The following PTPRG variants were observed in gnomAD, a reference collection of about 807,000 sequenced individuals.
PTPRG encodes protein tyrosine phosphatase receptor type G, also known as receptor-type tyrosine-protein phosphatase gamma.
Under a neutral mutation model 165.3 loss-of-function variants are expected in PTPRG, and 102 were observed. That is an observed-to-expected ratio of 0.62 (90% CI 0.53 to 0.73). The LOEUF (loss-of-function observed/expected upper bound fraction) is 0.73, where lower values mean the gene tolerates loss of function less well. Ranked by LOEUF, PTPRG falls within the 30% of genes least tolerant of loss-of-function variation. PTPRG has a pLI of 0.00. For missense variants in PTPRG, 1,866 were observed against 1,861.4 expected (o/e 1.00, Z -0.05); for synonymous variants, 675 against 669.5 (o/e 1.01, Z -0.13).
At chr3:62,287,995 A>C (rs1419098975) in intron 28 of PTPRG, among the ~76,000 whole-genome samples, 1 of 152,216 alleles carries the variant, frequency 6.6e-6, no homozygotes, top group African/African-American at 2.4e-5. Flanking sequence ...AACAACTAGA[A>C]ACTGAAATCC....
Position 62,203,727 on chromosome 3 carries a change from T to A in PTPRG, c.1932T>A (p.His644Gln). Residue 644 changes from histidine (H) to glutamine (Q), a missense_variant, in exon 12 of 30, where the codon CAT (histidine) becomes CAA (glutamine). Physicochemically the swap from His to Gln is conservative, Grantham distance 24. Coordinates refer to ENST00000474889, the MANE Select transcript of PTPRG (RefSeq NM_002841.4). The surrounding 1 kb of genome is among the most constrained non-coding windows in gnomAD (Gnocchi z 6.4). The stretch of plus-strand genomic sequence containing the variant: ...GAGGGCATCAGACTATACCTGGGCA[T>A]GAGCAGGATCACACTGCCGTCCCCA... ...AEGGHQTIPG[H>Q]EQDHTAVPTD... 1 of 1,593,660 alleles carries A rather than the reference T, an allele frequency of 6.3e-7. No homozygotes were observed. Among genetic ancestry groups the A allele is most frequent in the African/African-American group, 1.3e-5 (1 of 74,760 alleles).
intron 2 of PTPRG, among the ~76,000 whole-genome samples, chr3:61,872,758 C>T (rs1363060446): frequency 6.6e-6 from 1 of 152,130 alleles, no homozygotes; most frequent in South Asian, 2.1e-4. Context: ...TGCTAGTGTG[C>T]TCTTTTTGAA....
At chr3:61,572,741 C>T (rs1342210908) in intron 1 of PTPRG, among the ~76,000 whole-genome samples, 1 of 152,116 alleles carries the variant, frequency 6.6e-6, no homozygotes, top group Non-Finnish European at 1.5e-5. Flanking sequence ...AGCCTAGGGC[C>T]TATGTTAGTG....
At chr3:61,651,963 TCA>T (rs1162335003) in intron 1 of PTPRG, among the ~76,000 whole-genome samples, 1 of 151,996 alleles carries the variant, frequency 6.6e-6, no homozygotes, top group African/African-American at 2.4e-5. Context: ...TGAGTAGAGA[TCA>T]CACCACTGCA....
At chr3:61,718,224 A>AC (rs2031899471) in intron 1 of PTPRG, among the ~76,000 whole-genome samples, 1 of 152,000 alleles carries the variant, frequency 6.6e-6, no homozygotes, top group East Asian at 1.9e-4. Context: ...AAAAAAAAAA[A>AC]AAAAACGCAG....
intron 1 of PTPRG, among the ~76,000 whole-genome samples, chr3:61,698,996 A>G (rs1309957363): frequency 2.0e-5 from 3 of 151,990 alleles, no homozygotes; most frequent in Admixed American, 2.0e-4. Context: ...CAGGAAGGGG[A>G]ACATCACACA....
chr3:61,787,329 C>T (rs2034736703), intron 2 of PTPRG, among the ~76,000 whole-genome samples: 1 of 152,166 alleles, frequency 6.6e-6, no homozygotes, highest in Admixed American at 6.5e-5. Flanking sequence ...AACTCCATAG[C>T]AGGAATTATT....
intron 5 of PTPRG, among the ~76,000 whole-genome samples, chr3:62,098,716 T>G (rs1702194187): frequency 6.6e-6 from 1 of 152,204 alleles, no homozygotes; most frequent in South Asian, 2.1e-4. Context: ...GGCCTTTTCT[T>G]AGGTTTTATG....
intron 26 of PTPRG, among the ~76,000 whole-genome samples, chr3:62,279,174 C>T (rs932798820): frequency 1.3e-5 from 2 of 151,976 alleles, no homozygotes; most frequent in Non-Finnish European, 2.9e-5. Flanking sequence ...TACTGCTATA[C>T]CTTTACCAGG....
chr3:61,620,441 G>A (rs1701418247), intron 1 of PTPRG, among the ~76,000 whole-genome samples: 1 of 152,158 alleles, frequency 6.6e-6, no homozygotes, highest in African/African-American at 2.4e-5. Flanking sequence ...TCATAATGAG[G>A]TGGCCTCACA....
At chr3:62,021,267 GGTCT>G (rs1201897478) in intron 4 of PTPRG, among the ~76,000 whole-genome samples, 1 of 152,012 alleles carries the variant, frequency 6.6e-6, no homozygotes, top group African/African-American at 2.4e-5. Context: ...TCTTTCTGTT[GGTCT>G]GTCTTATAAA....
At chr3:61,779,834 G>T (rs146313740) in intron 2 of PTPRG, among the ~76,000 whole-genome samples, 1 of 152,228 alleles carries the variant, frequency 6.6e-6, no homozygotes, top group East Asian at 1.9e-4. Context: ...TTCCCCAAGG[G>T]CTCTATGGGG....
intron 2 of PTPRG, among the ~76,000 whole-genome samples, chr3:61,980,983 G>A (rs560968050): frequency 6.6e-6 from 1 of 152,130 alleles, no homozygotes; most frequent in South Asian, 2.1e-4. Flanking sequence ...GTATTAGTCC[G>A]TTCTCATGCT....
intron 1 of PTPRG, among the ~76,000 whole-genome samples, chr3:61,594,023 C>T (rs1427734146): frequency 6.6e-6 from 1 of 151,758 alleles, no homozygotes; most frequent in Non-Finnish European, 1.5e-5. Flanking sequence ...CACTGTGGCT[C>T]GTAATGAATG....
At chr3:62,049,617 G>A (rs1335807451) in intron 4 of PTPRG, among the ~76,000 whole-genome samples, 2 of 152,126 alleles carry the variant, frequency 1.3e-5, no homozygotes, top group Non-Finnish European at 2.9e-5. Context: ...GATGCTGGGT[G>A]GTAATTTGTT....
At chr3:62,053,766 A>G (rs1700541098) in intron 4 of PTPRG, among the ~76,000 whole-genome samples, 1 of 152,138 alleles carries the variant, frequency 6.6e-6, no homozygotes, top group South Asian at 2.1e-4. Context: ...TTTCTCATCT[A>G]AATGTAAACT....
chr3:62,014,917 A>G (rs1195093403), intron 4 of PTPRG, among the ~76,000 whole-genome samples: 1 of 152,204 alleles, frequency 6.6e-6, no homozygotes, highest in Non-Finnish European at 1.5e-5. Context: ...GCTGCATGAC[A>G]TGTCTTCCTC....
intron 1 of PTPRG, among the ~76,000 whole-genome samples, chr3:61,727,320 A>AT (rs999927320): frequency 2.0e-5 from 3 of 151,696 alleles, no homozygotes; most frequent in Admixed American, 6.6e-5. Flanking sequence ...CACCCAGCTA[A>AT]TTTTTTTGTA....
At chr3:61,991,315 C>A (rs2040884107) in intron 3 of PTPRG, among the ~76,000 whole-genome samples, 1 of 152,250 alleles carries the variant, frequency 6.6e-6, no homozygotes, top group Non-Finnish European at 1.5e-5. Flanking sequence ...AAGCGATTCT[C>A]CTGCCTCAGC....
Sources: allele counts gnomAD v4.1 joint callset (sites outside exome capture counted in the v4.1 genomes callset), GRCh38; gene constraint gnomAD v4.1.1; non-coding constraint Gnocchi (gnomAD v3.1); transcripts MANE v1.5; gene names NCBI Gene and HGNC (gene_info 2026-07-23, HGNC 2026-07-21).